Variants in ZFHX3 observed in about 807,000 individuals in gnomAD.
The protein encoded by ZFHX3 is zinc finger homeobox protein 3.
Under a neutral mutation model 279.1 loss-of-function variants are expected in ZFHX3, and 42 were observed. The observed-to-expected ratio is 0.15, with a 90% CI of 0.12 to 0.19. The LOEUF (loss-of-function observed/expected upper bound fraction) is 0.19, where lower values mean the gene tolerates loss of function less well. ZFHX3 is among the 10% of genes least tolerant of loss of function. ZFHX3 has a pLI of 1.00. For synonymous variants in ZFHX3, 2,293 were observed against 1,957.8 expected (o/e 1.17, Z -4.52); for missense variants, 4,981 against 4,754.0 (o/e 1.05, Z -1.40).
intron 2 of ZFHX3, among the ~76,000 whole-genome samples, chr16:73,503,655 A>G (rs1419949840): frequency 6.6e-6 from 1 of 152,196 alleles, no homozygotes; most frequent in African/African-American, 2.4e-5. Context: ...GGGGGAAAGA[A>G]CGCAGGATGG....
intron 4 of ZFHX3, among the ~76,000 whole-genome samples, chr16:73,267,860 T>C (rs2014022493): frequency 6.6e-6 from 1 of 152,192 alleles, no homozygotes; most frequent in African/African-American, 2.4e-5. Flanking sequence ...TCCCCAGAGT[T>C]TGATGTTTAA....
chr16:73,623,941 T>C (rs140627860), intron 2 of ZFHX3, among the ~76,000 whole-genome samples: 279 of 152,354 alleles, frequency 1.8e-3, no homozygotes, highest in African/African-American at 5.7e-3. Flanking sequence ...CTCTGAGTTA[T>C]AGAATCTAAT....
chr16:73,443,047 C>T (rs1200110455), intron 3 of ZFHX3, among the ~76,000 whole-genome samples: 2 of 152,140 alleles, frequency 1.3e-5, no homozygotes, highest in Non-Finnish European at 2.9e-5. Flanking sequence ...CTTTATTACC[C>T]ATTTAAAGAT....
intron 1 of ZFHX3, among the ~76,000 whole-genome samples, chr16:73,725,065 T>C (rs921894134): frequency 5.3e-5 from 8 of 152,202 alleles, no homozygotes; most frequent in African/African-American, 1.9e-4. Context: ...AACTGGCTCC[T>C]TCCTCACCAG....
intron 5 of ZFHX3, among the ~76,000 whole-genome samples, chr16:73,187,433 C>T (rs1205667992): frequency 6.6e-6 from 1 of 151,980 alleles, no homozygotes; most frequent in African/African-American, 2.4e-5. Flanking sequence ...CCCTGACCCC[C>T]CTGCCCTCTC....
chr16:72,897,805 T>C (rs2038934972), intron 3 of ZFHX3, among the ~76,000 whole-genome samples: 1 of 152,144 alleles, frequency 6.6e-6, no homozygotes, highest in Admixed American at 6.5e-5. Flanking sequence ...TTTTCATCCT[T>C]GGAGGAGCCC....
At chr16:72,873,628 T>C (rs945692674) in intron 4 of ZFHX3, among the ~76,000 whole-genome samples, 1 of 152,178 alleles carries the variant, frequency 6.6e-6, no homozygotes, top group Admixed American at 6.5e-5. Flanking sequence ...TCCTTACACT[T>C]CAAGTTCGCC....
chr16:73,245,930 G>A (rs1350036394), intron 5 of ZFHX3, among the ~76,000 whole-genome samples: 1 of 152,126 alleles, frequency 6.6e-6, no homozygotes, highest in Non-Finnish European at 1.5e-5. Context: ...GTCCTTGGGC[G>A]TGGACCATGA....
intron 2 of ZFHX3, among the ~76,000 whole-genome samples, chr16:73,462,287 A>T (rs1046911561): frequency 2.0e-5 from 3 of 152,184 alleles, no homozygotes; most frequent in African/African-American, 4.8e-5. Flanking sequence ...TGGGATTAAA[A>T]ACATTTTTAT....
chr16:73,581,913 A>G (rs1457912458), intron 2 of ZFHX3, among the ~76,000 whole-genome samples: 2 of 151,596 alleles, frequency 1.3e-5, no homozygotes, highest in Non-Finnish European at 2.9e-5. Context: ...TGACCTCATG[A>G]TCCACCTGCC....
chr16:73,430,088 C>T (rs903653096), intron 3 of ZFHX3, among the ~76,000 whole-genome samples: 2 of 151,716 alleles, frequency 1.3e-5, no homozygotes, highest in African/African-American at 4.8e-5. Context: ...CAGGGTCTTG[C>T]TATGTTGCCC....
At chr16:73,161,544 C>A (rs1179408905) in intron 5 of ZFHX3, among the ~76,000 whole-genome samples, 1 of 152,188 alleles carries the variant, frequency 6.6e-6, no homozygotes, top group Non-Finnish European at 1.5e-5. Flanking sequence ...GCTCAGTAGA[C>A]ATTTGGCACT....
At chr16:73,509,363 C>T (rs960033146) in intron 2 of ZFHX3, among the ~76,000 whole-genome samples, 1 of 152,040 alleles carries the variant, frequency 6.6e-6, no homozygotes, top group Admixed American at 6.5e-5. Flanking sequence ...CCTCCACCCC[C>T]TAAACAATCC....
intron 1 of ZFHX3, among the ~76,000 whole-genome samples, chr16:73,890,389 A>C (rs144219427): frequency 6.6e-6 from 1 of 152,300 alleles, no homozygotes; most frequent in East Asian, 1.9e-4. Flanking sequence ...CAGACCTGCA[A>C]CTAGCCGCCT....
At chr16:72,832,146 C>G (rs1036341697) in intron 4 of ZFHX3, among the ~76,000 whole-genome samples, 1 of 152,138 alleles carries the variant, frequency 6.6e-6, no homozygotes, top group Non-Finnish European at 1.5e-5. Flanking sequence ...GGGATTTACC[C>G]ACTGGGGGGC....
chr16:73,369,039 A>G (rs747024858), intron 3 of ZFHX3, among the ~76,000 whole-genome samples: 7 of 152,230 alleles, frequency 4.6e-5, no homozygotes, highest in Non-Finnish European at 7.3e-5. Context: ...AAATGGTGTC[A>G]GTAATTATAC....
rs182619992 is a variant in ZFHX3, at chr16:73,087,714, A to T, written c.-533+5521T>A. Among the ~76,000 whole-genome samples the T allele has an allele frequency of 2.3e-3, 346 of 152,302 alleles. 1 individual carries two copies. The highest frequency in any genetic ancestry group is 4.0e-3 in the Non-Finnish European group (270 of 68,038). On this transcript the variant is annotated intron_variant, in intron 8 of 17. Transcript: ENST00000641206. ...TGGGCTCTTTCCAGGAGTCAAGGATAGTGTCCCCAAAGTCTAATACATTTT... is the reference window on the plus strand; with the variant it reads ...TGGGCTCTTTCCAGGAGTCAAGGATTGTGTCCCCAAAGTCTAATACATTTT...
chr16:73,331,445 A>G (rs1015486414), intron 3 of ZFHX3, among the ~76,000 whole-genome samples: 2 of 152,228 alleles, frequency 1.3e-5, no homozygotes, highest in Non-Finnish European at 2.9e-5. Context: ...CAATGTGACA[A>G]GAGCCATGCT....
intron 1 of ZFHX3, among the ~76,000 whole-genome samples, chr16:73,884,730 C>T (rs1270072190): frequency 6.6e-6 from 1 of 152,150 alleles, no homozygotes; most frequent in Non-Finnish European, 1.5e-5. Flanking sequence ...AAACACTCTA[C>T]AAAGAATAAG....
Sources: gnomAD v4.1 joint callset for allele counts (sites outside exome capture counted in the v4.1 genomes callset) on GRCh38, gnomAD v4.1.1 for gene constraint, MANE v1.5 for transcripts, NCBI Gene and HGNC (gene_info 2026-07-23, HGNC 2026-07-21) for gene names.